The following ATG2B variants were observed in gnomAD, a reference collection of about 807,000 sequenced individuals.
ATG2B encodes autophagy related 2B.
In ATG2B, 121 loss-of-function variants were observed where a neutral mutation model predicts 241.3. The ratio of observed to expected loss-of-function variants is 0.50; its 90% CI spans 0.43 to 0.58. The LOEUF (loss-of-function observed/expected upper bound fraction) is 0.58, where lower values mean the gene tolerates loss of function less well. Among genes scored for constraint, ATG2B ranks in the 20% least tolerant of loss-of-function variants. ATG2B has a pLI of 0.00. For synonymous variants in ATG2B, 858 were observed against 876.6 expected, an observed-to-expected ratio of 0.98 and a Z score of 0.37; for missense variants, 2,306 against 2,491.6, an observed-to-expected ratio of 0.93 and a Z score of 1.59.
chr14:96,362,791 C>G (rs779064171), intron 1 of ATG2B, 24 bp downstream of exon 1: 7 of 1,584,002 alleles, frequency 4.4e-6, no homozygotes, highest in Non-Finnish European at 6.0e-6. Flanking sequence ...GAGCCCCGCC[C>G]GGCTCGCCGC....
chr14:96,311,252 A>G lies in ATG2B; in HGVS notation c.4026T>C (p.Asp1342=), dbSNP rs1887146891. The part of the protein sequence containing the change: ...EPRFELHCSS[D]VVHIRTCSDS... ...CTGAGCACGTTCTGATATGGACAAC[A>G]TCGCTGGAACAGTGTAACTCAAAGC... is the stretch of plus-strand genomic sequence containing the variant. Residue 1342 remains aspartate (D), a synonymous_variant, in exon 28 of 42, where the codon GAT becomes GAC. Transcript: ENST00000359933. 4 of 1,614,008 alleles carry G rather than the reference A, an allele frequency of 2.5e-6. No homozygotes were observed. In the East Asian group the frequency reaches 6.7e-5, roughly 27 times the overall value.
chr14:96,341,820 T>C, intron 5 of ATG2B, 119 bp from the exon 6 acceptor site: 1 of 811,562 alleles, frequency 1.2e-6, no homozygotes, highest in Non-Finnish European at 1.8e-6. Flanking sequence ...CTGTATGATG[T>C]TACAATGGAC....
chr14:96,332,978 T>C lies in ATG2B; in HGVS notation c.1208-323A>G, dbSNP rs544759957. ...TAGGAATTAAAATCAGATATTAAAA[T>C]AGTATAAATATATTGCAACCTCTAG... On this transcript the variant is annotated intron_variant, in intron 8 of 41. Coordinates refer to ENST00000359933, the MANE Select transcript of ATG2B (RefSeq NM_018036.7). Among the ~76,000 whole-genome samples the C allele has an allele frequency of 2.4e-3, 358 of 152,300 alleles. 2 individuals are homozygous for C. The highest frequency in any genetic ancestry group is 8.1e-3 in the African/African-American group (336 of 41,576).
At chr14:96,299,928 G>T (rs1886744949) in intron 34 of ATG2B, among the ~76,000 whole-genome samples, 1 of 152,130 alleles carries the variant, frequency 6.6e-6, no homozygotes, top group East Asian at 1.9e-4. Flanking sequence ...AAAAATATTT[G>T]ATTTTCTACT....
intron 37 of ATG2B, 66 bp from the exon 38 acceptor site, chr14:96,291,748 T>A: frequency 1.7e-6 from 2 of 1,165,272 alleles, no homozygotes; most frequent in Non-Finnish European, 2.5e-6. Context: ...CTAAAATAAT[T>A]GTTATTTTGA....
chr14:96,313,651 C>T (rs1012507116), intron 23 of ATG2B, among the ~76,000 whole-genome samples: 1 of 151,220 alleles, frequency 6.6e-6, no homozygotes, highest in Non-Finnish European at 1.5e-5. Flanking sequence ...TGGATGTGTT[C>T]GTTTGACTAC....
intron 10 of ATG2B, among the ~76,000 whole-genome samples, chr14:96,332,040 G>A (rs1291246335): frequency 1.3e-5 from 2 of 151,764 alleles, no homozygotes; most frequent in Non-Finnish European, 2.9e-5. Context: ...ATTGACTGAG[G>A]GTCCTGAACT....
chr14:96,310,494 A>G (rs1484371356), intron 28 of ATG2B, among the ~76,000 whole-genome samples: 1 of 152,240 alleles, frequency 6.6e-6, no homozygotes, highest in Non-Finnish European at 1.5e-5. Context: ...TTTGGACATA[A>G]GAGAAGTTAG....
intron 1 of ATG2B, among the ~76,000 whole-genome samples, chr14:96,348,467 G>A (rs187600421): frequency 2.6e-4 from 40 of 152,158 alleles, no homozygotes; most frequent in African/African-American, 4.6e-4. Context: ...CAGATCTCTC[G>A]AGGTCAGCAG....
At chr14:96,327,450 G>A (rs1416522309) in intron 14 of ATG2B, among the ~76,000 whole-genome samples, 1 of 152,022 alleles carries the variant, frequency 6.6e-6, no homozygotes, top group Admixed American at 6.6e-5. Context: ...AAAGACCCCA[G>A]GCACCAGATG....
At chr14:96,327,281 T>C (rs1887611185) in intron 14 of ATG2B, among the ~76,000 whole-genome samples, 1 of 152,032 alleles carries the variant, frequency 6.6e-6, no homozygotes, top group Non-Finnish European at 1.5e-5. Flanking sequence ...GCTAATTTGA[T>C]GTGAATACTC....
At chr14:96,314,535 G>C (rs181526170) in intron 23 of ATG2B, among the ~76,000 whole-genome samples, 68 of 152,242 alleles carry the variant, frequency 4.5e-4, no homozygotes, top group African/African-American at 1.5e-3. Context: ...GCTCCTCTAC[G>C]CCAGACATTC....
At chr14:96,310,739 G>A (rs553573928) in intron 28 of ATG2B, among the ~76,000 whole-genome samples, 1 of 152,288 alleles carries the variant, frequency 6.6e-6, no homozygotes, top group South Asian at 2.1e-4. Context: ...GATGATATAA[G>A]TAAGTCTTCT....
chr14:96,354,414 C>T (rs747869664), intron 1 of ATG2B, among the ~76,000 whole-genome samples: 4 of 152,166 alleles, frequency 2.6e-5, no homozygotes, highest in South Asian at 2.1e-4. Context: ...CCAAGGATAA[C>T]GGCTTCCAGC....
rs2139826367 is a variant in ATG2B at position 96,280,874 on chromosome 14, C to T, written c.*4881G>A. The T allele has an allele frequency of 6.6e-6, 1 of 152,236 alleles. No homozygotes were observed. The highest frequency in any genetic ancestry group is 2.4e-5 in the African/African-American group (1 of 41,518). The allele number at this position is 152,236 out of a possible 1,614,324, so 9.4% of individuals were successfully genotyped here. A position where few individuals can be genotyped will look rare whatever the true frequency, so the allele number is the denominator to read the frequency against. On this transcript the variant is annotated 3_prime_UTR_variant, in exon 42 of 42. Transcript: ENST00000359933. ...TCCAGCCTGGGCAACAAGAGCAAAG[C>T]TCCGTCTGAAAAAATAAATAAATAA...
At chr14:96,293,095 C>T (rs368419616) in intron 36 of ATG2B, 1 of 152,176 alleles carries the variant, frequency 6.6e-6, no homozygotes, top group East Asian at 1.9e-4. Flanking sequence ...ACACATCTAA[C>T]AAAATGATCT....
At chr14:96,345,149 T>A in intron 3 of ATG2B, 84 bp downstream of exon 3, 1 of 987,034 alleles carries the variant, frequency 1.0e-6, no homozygotes, top group South Asian at 1.9e-5. Flanking sequence ...TCCAATGGAT[T>A]TGCCTTATAC....
At chr14:96,320,314 T>G (rs1017012824) in intron 18 of ATG2B, among the ~76,000 whole-genome samples, 7 of 152,160 alleles carry the variant, frequency 4.6e-5, no homozygotes, top group Non-Finnish European at 1.0e-4. Flanking sequence ...CTTTTAAGTA[T>G]AGTTTAAATA....
At position 96,305,723 on chromosome 14, in the gene ATG2B, A is replaced by G; in HGVS notation, c.4599T>C (p.Asp1533=). 6.2e-7 allele frequency: 1 copy of G among 1,614,204 alleles called. No homozygotes were observed. Among genetic ancestry groups the G allele is most frequent in the South Asian group, 1.1e-5 (1 of 91,092 alleles). The change falls in exon 31 of 42, where the codon GAT becomes GAC. Residue 1533 remains aspartate (D), a synonymous_variant. Coordinates refer to ENST00000359933, the MANE Select transcript of ATG2B (RefSeq NM_018036.7). ...GAAAGTGTAAGGGGGCTTTGCTCGT[A>G]TCGGTCTTATTAACGGGCAGACTGA... The part of the protein sequence containing the change: ...NYFSLPVNKT[D]TSKAPLHFPI...
Sources: allele counts gnomAD v4.1 joint callset (sites outside exome capture counted in the v4.1 genomes callset), GRCh38; gene constraint gnomAD v4.1.1; transcripts MANE v1.5; gene names NCBI Gene and HGNC (gene_info 2026-07-23, HGNC 2026-07-21).